Variants in SBF2 observed in about 807,000 individuals in gnomAD.
SBF2 encodes the protein SET binding factor 2.
Under a neutral mutation model 225.2 loss-of-function variants are expected in SBF2, and 112 were observed. The observed-to-expected ratio is 0.50, with a 90% CI of 0.43 to 0.58. SBF2 has a LOEUF of 0.58. Ranked by LOEUF, SBF2 falls within the 20% of genes least tolerant of loss-of-function variation. The probability of loss-of-function intolerance (pLI) is 0.00; values close to 1 mark genes in which losing one functional copy is unlikely to be tolerated. For missense variants in SBF2, 1,996 were observed against 2,206.2 expected, an observed-to-expected ratio of 0.90 and a Z score of 1.91; for synonymous variants, 763 against 773.3, an observed-to-expected ratio of 0.99 and a Z score of 0.22.
At chr11:9,806,375 A>G (rs1029194694) in intron 32 of SBF2, among the ~76,000 whole-genome samples, 9 of 152,116 alleles carry the variant, frequency 5.9e-5, no homozygotes, top group African/African-American at 2.2e-4. Context: ...AGTCCAATTG[A>G]TAAGCATAAT....
At chr11:10,111,746 G>T (rs557546125) in intron 2 of SBF2, among the ~76,000 whole-genome samples, 5 of 152,014 alleles carry the variant, frequency 3.3e-5, no homozygotes, top group Non-Finnish European at 7.4e-5. Flanking sequence ...GCGCGGTGGC[G>T]CACGCCTGTA....
intron 16 of SBF2, among the ~76,000 whole-genome samples, chr11:9,927,672 A>G (rs1864159711): frequency 1.3e-5 from 2 of 152,240 alleles, no homozygotes; most frequent in African/African-American, 4.8e-5. Context: ...AAAACTGAAG[A>G]GAAAAACTAT....
chr11:9,787,586 A>G, intron 36 of SBF2, 48 bp downstream of exon 36: 3 of 1,515,058 alleles, frequency 2.0e-6, no homozygotes, highest in Non-Finnish European at 2.8e-6. Context: ...CTGACTTAGC[A>G]CCCTCAGAAA....
intron 13 of SBF2, among the ~76,000 whole-genome samples, chr11:9,988,602 A>C (rs1171534874): frequency 1.3e-5 from 2 of 152,346 alleles, no homozygotes; most frequent in East Asian, 3.9e-4. Context: ...GGACACGAAT[A>C]GACAATTCTC....
intron 2 of SBF2, among the ~76,000 whole-genome samples, chr11:10,076,452 G>A (rs1390276952): frequency 1.3e-5 from 2 of 152,238 alleles, no homozygotes; most frequent in Non-Finnish European, 2.9e-5. Flanking sequence ...CCAGAACTGA[G>A]AGGTGAGAAT....
At chr11:10,288,981 C>CG (rs1591372940) in intron 1 of SBF2, among the ~76,000 whole-genome samples, 1 of 152,258 alleles carries the variant, frequency 6.6e-6, no homozygotes, top group East Asian at 1.9e-4. Flanking sequence ...CCGCCATCCA[C>CG]GACGCCCAGG....
At chr11:10,169,546 T>C (rs1289762525) in intron 2 of SBF2, among the ~76,000 whole-genome samples, 1 of 152,210 alleles carries the variant, frequency 6.6e-6, no homozygotes, top group African/African-American at 2.4e-5. Flanking sequence ...CTCCATTGTG[T>C]ATATTGTCAC....
At chr11:10,015,315 T>C (rs1216139924) in intron 6 of SBF2, among the ~76,000 whole-genome samples, 1 of 152,246 alleles carries the variant, frequency 6.6e-6, no homozygotes, top group East Asian at 1.9e-4. Flanking sequence ...TGATACTTTT[T>C]AAAGTCTGTG....
chr11:10,238,591 TGA>T (rs1377903232), intron 1 of SBF2, among the ~76,000 whole-genome samples: 7 of 150,906 alleles, frequency 4.6e-5, no homozygotes, highest in African/African-American at 1.7e-4. Context: ...GAAGCAAAAT[TGA>T]GAGACACAAA....
rs1935640337 is a variant in SBF2, at chr11:9,895,925, T to C, written c.1929+18A>G. Reference sequence around the variant, plus strand: ...ATGTAAATCATAACAAGCTTATATATGGACCAATGAAACTTACCCTATAGA... The same window carrying C: ...ATGTAAATCATAACAAGCTTATATACGGACCAATGAAACTTACCCTATAGA... On this transcript the variant is annotated intron_variant, in intron 17 of 39. Transcript: ENST00000256190. 3 of 1,560,324 alleles carry C rather than the reference T, an allele frequency of 1.9e-6. No homozygotes were observed. The highest frequency in any genetic ancestry group is 1.4e-5 in the African/African-American group (1 of 73,934).
intron 16 of SBF2, among the ~76,000 whole-genome samples, chr11:9,900,635 T>C (rs1861647583): frequency 6.6e-6 from 1 of 152,230 alleles, no homozygotes; most frequent in South Asian, 2.1e-4. Context: ...TGCACCCTTC[T>C]ATAGAAGTAA....
chr11:9,815,329 GC>G (rs531104349), intron 29 of SBF2, among the ~76,000 whole-genome samples: 47 of 147,564 alleles, frequency 3.2e-4, no homozygotes, highest in Admixed American at 3.1e-3. Flanking sequence ...GGTGACGCGT[GC>G]CTGTAATCTC....
At chr11:9,964,358 T>G (rs1866767542) in intron 14 of SBF2, among the ~76,000 whole-genome samples, 1 of 152,364 alleles carries the variant, frequency 6.6e-6, no homozygotes, top group African/African-American at 2.4e-5. Flanking sequence ...GTTCCAGTGT[T>G]GAAGTATCAG....
intron 2 of SBF2, among the ~76,000 whole-genome samples, chr11:10,047,992 A>G (rs1000479222): frequency 6.6e-6 from 1 of 152,126 alleles, no homozygotes; most frequent in African/African-American, 2.4e-5. Context: ...AACAACAACA[A>G]TAATAACCTA....
intron 2 of SBF2, among the ~76,000 whole-genome samples, chr11:10,053,470 T>C (rs1183136353): frequency 6.6e-6 from 1 of 152,206 alleles, no homozygotes; most frequent in Non-Finnish European, 1.5e-5. Context: ...ATAAACTATA[T>C]TCTGACCAAA....
intron 16 of SBF2, chr11:9,959,837 C>T (rs1318834376): frequency 2.7e-5 from 15 of 555,588 alleles, no homozygotes; most frequent in Admixed American, 3.8e-5. Flanking sequence ...AGGTAGGCTG[C>T]GAGAGTGAGG....
At chr11:9,851,144 A>C (rs1026999287) in intron 21 of SBF2, among the ~76,000 whole-genome samples, 10 of 149,558 alleles carry the variant, frequency 6.7e-5, no homozygotes, top group African/African-American at 1.5e-4. Flanking sequence ...TCAAAAAAAA[A>C]AAAAACAACA....
intron 1 of SBF2, among the ~76,000 whole-genome samples, chr11:10,263,899 ATC>A (rs931149923): frequency 6.6e-6 from 1 of 152,246 alleles, no homozygotes; most frequent in African/African-American, 2.4e-5. Flanking sequence ...TTCAAGCATT[ATC>A]TGAGGAAAAT....
intron 16 of SBF2, among the ~76,000 whole-genome samples, chr11:9,916,413 G>A (rs962730135): frequency 6.6e-6 from 1 of 152,074 alleles, no homozygotes; most frequent in Non-Finnish European, 1.5e-5. Flanking sequence ...AAATCCAGTT[G>A]CACACAATGA....
Sources: gnomAD v4.1 joint callset for allele counts (sites outside exome capture counted in the v4.1 genomes callset) on GRCh38, gnomAD v4.1.1 for gene constraint, MANE v1.5 for transcripts, NCBI Gene and HGNC (gene_info 2026-07-23, HGNC 2026-07-21) for gene names.